DAB1: variants seen among roughly 807,000 people sequenced by gnomAD.
DAB1 encodes the protein disabled homolog 1.
In DAB1, 15 loss-of-function variants were observed where a neutral mutation model predicts 64.6. That is an observed-to-expected ratio of 0.23 (90% CI 0.16 to 0.36). DAB1 has a LOEUF of 0.36. Ranked by LOEUF, DAB1 falls within the 10% of genes least tolerant of loss-of-function variation. The pLI, the probability that DAB1 is intolerant of heterozygous loss-of-function variation, is 1.00. For synonymous variants in DAB1, 235 were observed against 251.9 expected (o/e 0.93, Z 0.64); for missense variants, 596 against 706.7 (o/e 0.84, Z 1.78).
intron 3 of DAB1, among the ~76,000 whole-genome samples, chr1:58,433,584 AGAGAGAGAGAGAGTGTGTGT>A (rs1644904004): frequency 1.5e-5 from 2 of 135,416 alleles, no homozygotes; most frequent in African/African-American, 5.9e-5. Flanking sequence ...AGAGAGAGAG[AGAGAGAGAGAGAGTGTGTGT>A]GTGTGTGTGT....
chr1:58,051,439 G>T (rs1647661853), intron 5 of DAB1, among the ~76,000 whole-genome samples: 1 of 152,072 alleles, frequency 6.6e-6, no homozygotes, highest in Non-Finnish European at 1.5e-5. Flanking sequence ...TCTTAATCCA[G>T]TCTATTATTG....
chr1:58,027,747 GA>G (rs1646915123), intron 5 of DAB1, among the ~76,000 whole-genome samples: 1 of 151,964 alleles, frequency 6.6e-6, no homozygotes, highest in Admixed American at 6.6e-5. Context: ...ATTGCATGAT[GA>G]AAAAAAGATA....
chr1:58,438,262 T>G (rs980707440), intron 3 of DAB1, among the ~76,000 whole-genome samples: 2 of 152,222 alleles, frequency 1.3e-5, no homozygotes, highest in Non-Finnish European at 2.9e-5. Context: ...ACATAATTAC[T>G]TACAATTTGC....
intron 3 of DAB1, among the ~76,000 whole-genome samples, chr1:58,504,553 T>C (rs1047063185): frequency 6.6e-6 from 1 of 152,178 alleles, no homozygotes. Flanking sequence ...TGGCATACTA[T>C]ATGTTTGTTT....
At chr1:57,552,003 T>C (rs1644919705) in intron 7 of DAB1, among the ~76,000 whole-genome samples, 1 of 152,202 alleles carries the variant, frequency 6.6e-6, no homozygotes, top group Non-Finnish European at 1.5e-5. Flanking sequence ...TGCAGAGCAA[T>C]TGAGAAGATT....
At chr1:58,431,151 C>T (rs1644866357) in intron 3 of DAB1, among the ~76,000 whole-genome samples, 1 of 152,032 alleles carries the variant, frequency 6.6e-6, no homozygotes, top group African/African-American at 2.4e-5. Context: ...AGGTAATGCT[C>T]ATGATGTGAT....
Position 58,219,019 on chromosome 1 carries a change from C to G in DAB1, n.310-68431G>C, listed in dbSNP as rs1220772474. Among the ~76,000 whole-genome samples, 157 of 126,278 alleles carry G rather than the reference C, an allele frequency of 1.2e-3. 1 individual carries two copies. The highest frequency in any genetic ancestry group is 4.5e-3 in the African/African-American group (152 of 33,448). 82.8% of individuals were successfully genotyped at this position (126,278 alleles called of 152,430 possible). On this transcript the variant is annotated intron_variant and non_coding_transcript_variant, in intron 4 of 20. Coordinates refer to the DAB1 transcript ENST00000485760. The stretch of plus-strand genomic sequence containing the variant: ...TCTCTCTCTCTCTCTCTCTCTCTCT[C>G]TCTCTCTGTGTGTGTGTGTGTGTGT...
At chr1:57,640,282 G>A (rs1646112735) in intron 7 of DAB1, among the ~76,000 whole-genome samples, 1 of 152,106 alleles carries the variant, frequency 6.6e-6, no homozygotes, top group Non-Finnish European at 1.5e-5. Flanking sequence ...AAAATTTCTA[G>A]TTGAGGGGTA....
chr1:58,287,374 C>T lies in DAB1; in HGVS notation n.309+55978G>A, dbSNP rs1661709837. ...AAAACAACTTTTCGATTATATCTCA[C>T]AGTTCTATGCATTAACTGGGCTCAG... On this transcript the variant is annotated intron_variant and non_coding_transcript_variant, in intron 4 of 20. Coordinates refer to the DAB1 transcript ENST00000485760. Among the ~76,000 whole-genome samples, 4 of 152,254 alleles carry T rather than the reference C, an allele frequency of 2.6e-5. No homozygotes were observed. In the South Asian group the frequency reaches 8.3e-4, roughly 32 times the overall value.
chr1:57,427,896 G>C (rs1476171877), upstream of DAB1, among the ~76,000 whole-genome samples: 1 of 152,174 alleles, frequency 6.6e-6, no homozygotes, highest in Non-Finnish European at 1.5e-5. Flanking sequence ...GGCAGGGCAT[G>C]GTGGCTCACA....
At chr1:57,741,593 C>G (rs1164168853) in intron 6 of DAB1, among the ~76,000 whole-genome samples, 1 of 152,224 alleles carries the variant, frequency 6.6e-6, no homozygotes, top group Non-Finnish European at 1.5e-5. Context: ...TAATGCTCAG[C>G]CATTTCTCAG....
chr1:57,625,736 G>C (rs1645914912), intron 7 of DAB1, among the ~76,000 whole-genome samples: 1 of 152,100 alleles, frequency 6.6e-6, no homozygotes. Flanking sequence ...AGGAGGGAAA[G>C]GGAGGAGGGG....
At chr1:57,843,922 G>A (rs1653162479) in intron 1 of DAB1, among the ~76,000 whole-genome samples, 1 of 152,204 alleles carries the variant, frequency 6.6e-6, no homozygotes, top group Admixed American at 6.5e-5. Context: ...GCAAGAATTT[G>A]ACCAGGTTTG....
intron 4 of DAB1, among the ~76,000 whole-genome samples, chr1:58,211,208 A>G (rs556720381): frequency 5.9e-5 from 9 of 152,280 alleles, no homozygotes; most frequent in African/African-American, 2.2e-4. Context: ...ATTTATCTTG[A>G]AAAAGAAATA....
chr1:57,756,060 T>A (rs1436110937), intron 6 of DAB1, among the ~76,000 whole-genome samples: 1 of 152,138 alleles, frequency 6.6e-6, no homozygotes, highest in Admixed American at 6.5e-5. Flanking sequence ...ACCTGTAAAA[T>A]GGCAGTGGGA....
At chr1:58,289,022 C>T (rs1452301198) in intron 4 of DAB1, among the ~76,000 whole-genome samples, 6 of 152,210 alleles carry the variant, frequency 3.9e-5, no homozygotes, top group South Asian at 2.1e-4. Context: ...TCCACCCCCA[C>T]TTAGACATAA....
intron 7 of DAB1, among the ~76,000 whole-genome samples, chr1:57,627,211 C>T (rs902762815): frequency 6.6e-6 from 1 of 152,094 alleles, no homozygotes; most frequent in Non-Finnish European, 1.5e-5. Context: ...ACCTTTGGAC[C>T]CAGACTGGGA....
Position 57,747,748 on chromosome 1 carries a change from G to T in DAB1, n.552-98083C>A, listed in dbSNP as rs535374527. ...GGCGTGAATCTGGGAGGCTGAGCTT[G>T]CAGTGAGCCAATATCGCGTCACTGC... On this transcript the variant is annotated intron_variant and non_coding_transcript_variant, in intron 6 of 20. Transcript: ENST00000485760. 3.6e-3 allele frequency among the ~76,000 whole-genome samples: 505 copies of T among 140,952 alleles called. 1 individual carries two copies. Among genetic ancestry groups the T allele is most frequent in the Non-Finnish European group, 5.5e-3 (367 of 66,622 alleles). 92.5% of individuals were successfully genotyped at this position (140,952 alleles called of 152,430 possible).
intron 4 of DAB1, among the ~76,000 whole-genome samples, chr1:58,215,472 G>C (rs1303861669): frequency 6.6e-6 from 1 of 150,492 alleles, no homozygotes; most frequent in African/African-American, 2.5e-5. Flanking sequence ...GATGTTCACT[G>C]TCTGTCTCTC....
Sources: allele counts gnomAD v4.1 joint callset (sites outside exome capture counted in the v4.1 genomes callset), GRCh38; gene constraint gnomAD v4.1.1; transcripts MANE v1.5; gene names NCBI Gene and HGNC (gene_info 2026-07-23, HGNC 2026-07-21).